AGBL1: variants seen among roughly 807,000 people sequenced by gnomAD.
AGBL1 encodes AGBL carboxypeptidase 1, also known as cytosolic carboxypeptidase 4.
AGBL1 carries 130 observed loss-of-function variants against 118.9 expected under a neutral mutation model. The observed-to-expected ratio is 1.09, with a 90% CI of 0.95 to 1.26. The LOEUF is 1.26. AGBL1 is among the 50% of genes most tolerant of loss of function. AGBL1 has a pLI of 0.00. For synonymous variants in AGBL1, 555 were observed against 478.9 expected, an observed-to-expected ratio of 1.16 and a Z score of -2.08; for missense variants, 1,584 against 1,298.1, an observed-to-expected ratio of 1.22 and a Z score of -3.38.
Position 86,719,661 on chromosome 15 carries a change from C to T in AGBL1, c.3158+45225C>T, listed in dbSNP as rs564750214. On this transcript the variant is annotated intron_variant, in intron 22 of 22. Coordinates refer to ENST00000614907, the MANE Select transcript of AGBL1 (RefSeq NM_001386094.1). ...CCCTCCCTTTCTTTGTTCCTTCTTTCCTTTTTATCCTCAATTAAGATGGTA... is the reference window on the plus strand; with the variant it reads ...CCCTCCCTTTCTTTGTTCCTTCTTTTCTTTTTATCCTCAATTAAGATGGTA... Among the ~76,000 whole-genome samples, 4 of 152,162 alleles carry T rather than the reference C, an allele frequency of 2.6e-5. No homozygotes were observed. In the South Asian group the frequency reaches 8.3e-4, roughly 32 times the overall value.
At chr15:86,793,715 C>T (rs1032934233) in intron 22 of AGBL1, among the ~76,000 whole-genome samples, 7 of 152,108 alleles carry the variant, frequency 4.6e-5, no homozygotes, top group Non-Finnish European at 5.9e-5. Context: ...GCAAATCATA[C>T]GTCTGATAAC....
In AGBL1 at chr15:86,339,735, G is replaced by A. The variant is rs1003265853; in HGVS notation, c.2374+44327G>A. ...TGTAATCCCAGCACTTTGGGAGGCCGAGGTGGGCGGATCACAAGGTCAAGA... is the reference window on the plus strand; with the variant it reads ...TGTAATCCCAGCACTTTGGGAGGCCAAGGTGGGCGGATCACAAGGTCAAGA... On this transcript the variant is annotated intron_variant, in intron 17 of 22. Transcript: ENST00000614907. 1.8e-4 allele frequency among the ~76,000 whole-genome samples: 28 copies of A among 152,258 alleles called. 1 individual carries two copies. Among genetic ancestry groups the A allele is most frequent in the Middle Eastern group, 3.4e-3 (1 of 294 alleles).
chr15:86,847,184 T>C (rs1160555730), intron 22 of AGBL1, among the ~76,000 whole-genome samples: 3 of 152,230 alleles, frequency 2.0e-5, no homozygotes, highest in Admixed American at 1.3e-4. Flanking sequence ...ATAGTGTTGT[T>C]TAGTCCTTTG....
intron 5 of AGBL1, among the ~76,000 whole-genome samples, chr15:86,185,939 G>A (rs536038730): frequency 6.6e-6 from 1 of 152,202 alleles, no homozygotes; most frequent in East Asian, 1.9e-4. Flanking sequence ...TTAAAAAGGG[G>A]ATTCTAAAAT....
intron 21 of AGBL1, among the ~76,000 whole-genome samples, chr15:86,620,756 C>T (rs1378657204): frequency 2.0e-5 from 3 of 152,168 alleles, no homozygotes; most frequent in East Asian, 1.9e-4. Context: ...TTGCAACCTG[C>T]CAGCTATGTG....
intron 5 of AGBL1, among the ~76,000 whole-genome samples, chr15:86,219,022 T>C (rs1176494718): frequency 1.3e-5 from 2 of 152,214 alleles, no homozygotes; most frequent in African/African-American, 2.4e-5. Flanking sequence ...TACACTGCAA[T>C]TGATAACTAA....
chr15:86,189,155 G>A (rs751774344), intron 5 of AGBL1, among the ~76,000 whole-genome samples: 3 of 152,204 alleles, frequency 2.0e-5, no homozygotes, highest in Non-Finnish European at 4.4e-5. Flanking sequence ...AATTTCACAA[G>A]TTTAGATGAC....
At chr15:86,801,853 G>T (rs1325492298) in intron 22 of AGBL1, among the ~76,000 whole-genome samples, 1 of 152,096 alleles carries the variant, frequency 6.6e-6, no homozygotes, top group Admixed American at 6.6e-5. Flanking sequence ...TGTGCCCTCT[G>T]GAGAGAGCTG....
chr15:86,083,904 A>G (rs1895459810), intron 1 of AGBL1, among the ~76,000 whole-genome samples: 1 of 152,200 alleles, frequency 6.6e-6, no homozygotes, highest in Non-Finnish European at 1.5e-5. Flanking sequence ...TTTCCCTTGG[A>G]CTTAAACAGA....
At chr15:86,770,765 C>A (rs553579681) in intron 22 of AGBL1, among the ~76,000 whole-genome samples, 39 of 152,032 alleles carry the variant, frequency 2.6e-4, no homozygotes, top group African/African-American at 9.4e-4. Context: ...CTTTGTGTTC[C>A]CCAAGGCTAC....
chr15:86,698,532 T>G (rs2086301500), intron 22 of AGBL1, among the ~76,000 whole-genome samples: 1 of 151,808 alleles, frequency 6.6e-6, no homozygotes, highest in Non-Finnish European at 1.5e-5. Context: ...GGGGAGATAA[T>G]CCATGGAAGT....
chr15:86,667,362 A>G (rs1488998426), intron 21 of AGBL1, among the ~76,000 whole-genome samples: 1 of 152,036 alleles, frequency 6.6e-6, no homozygotes, highest in Non-Finnish European at 1.5e-5. Flanking sequence ...ATATTATAAA[A>G]TAAATTATGA....
In AGBL1 at chr15:86,988,165, T is replaced by C. The variant is rs950412542; in HGVS notation, c.3323+77T>C. ...ATGAAATACCCTGCATGTGACTACA[T>C]TGGGACTGGACAAAGAGAAAGTAAA... On this transcript the variant is annotated intron_variant, in intron 24 of 24. Transcript: ENST00000441037. 33 of 1,540,464 alleles carry C rather than the reference T, an allele frequency of 2.1e-5. No homozygotes were observed. In the African/African-American group the frequency reaches 2.6e-4, roughly 12 times the overall value.
chr15:86,774,846 A>G (rs1265294677), intron 22 of AGBL1, among the ~76,000 whole-genome samples: 1 of 152,106 alleles, frequency 6.6e-6, no homozygotes, highest in Non-Finnish European at 1.5e-5. Flanking sequence ...ATAAGAAATG[A>G]AGTGGAGAGG....
At chr15:86,262,700 G>A in intron 9 of AGBL1, 78 bp from the exon 10 acceptor site, 1 of 952,546 alleles carries the variant, frequency 1.0e-6, no homozygotes, top group Non-Finnish European at 1.7e-6. Context: ...TTCTGAAGAA[G>A]CACATACATA....
At chr15:86,622,363 A>G (rs1052923012) in intron 21 of AGBL1, among the ~76,000 whole-genome samples, 2 of 151,638 alleles carry the variant, frequency 1.3e-5, no homozygotes, top group Non-Finnish European at 2.9e-5. Context: ...GGGGGTCCAC[A>G]CAAAAACCAG....
chr15:86,558,973 G>A (rs1203694648), intron 21 of AGBL1, among the ~76,000 whole-genome samples: 3 of 152,186 alleles, frequency 2.0e-5, no homozygotes, highest in Non-Finnish European at 4.4e-5. Context: ...GGTGTTGGCA[G>A]TGTTATGTTC....
intron 21 of AGBL1, among the ~76,000 whole-genome samples, chr15:86,568,282 T>C (rs1416504936): frequency 6.6e-6 from 1 of 152,200 alleles, no homozygotes; most frequent in Non-Finnish European, 1.5e-5. Flanking sequence ...AAATTATTTG[T>C]TGGCTCTGTG....
At chr15:86,802,868 C>T (rs568874397) in intron 22 of AGBL1, among the ~76,000 whole-genome samples, 1 of 152,240 alleles carries the variant, frequency 6.6e-6, no homozygotes, top group Admixed American at 6.5e-5. Flanking sequence ...GCTCCAATTT[C>T]TTTATCTACA....
Sources: gnomAD v4.1 joint callset for allele counts (sites outside exome capture counted in the v4.1 genomes callset) on GRCh38, gnomAD v4.1.1 for gene constraint, MANE v1.5 for transcripts, NCBI Gene and HGNC (gene_info 2026-07-23, HGNC 2026-07-21) for gene names.